The following PAG1 variants were observed in gnomAD, a reference collection of about 807,000 sequenced individuals.
PAG1 encodes the protein phosphoprotein associated with glycosphingolipid-enriched microdomains 1.
Under a neutral mutation model 31.7 loss-of-function variants are expected in PAG1, and 23 were observed. The observed-to-expected ratio is 0.73, with a 90% CI of 0.52 to 1.03. PAG1 has a LOEUF of 1.03. Ranked by LOEUF, PAG1 falls within the 50% of genes least tolerant of loss-of-function variation. The pLI is 0.00. For synonymous variants in PAG1, 214 were observed against 210.3 expected, an observed-to-expected ratio of 1.02 and a Z score of -0.15; for missense variants, 473 against 540.7, an observed-to-expected ratio of 0.87 and a Z score of 1.24.
intron 3 of PAG1, among the ~76,000 whole-genome samples, chr8:81,015,348 G>T (rs1808054674): frequency 6.6e-6 from 1 of 152,230 alleles, no homozygotes; most frequent in Non-Finnish European, 1.5e-5. Context: ...TTTGGGAACT[G>T]AAACATTGTA....
rs538628129 is a variant in PAG1, at chr8:81,036,773, G to A, written c.-174-6684C>T. Among the ~76,000 whole-genome samples, 369 of 152,156 alleles carry A rather than the reference G, an allele frequency of 2.4e-3. 2 individuals carry two copies. The highest frequency in any genetic ancestry group is 4.1e-3 in the Non-Finnish European group (280 of 68,018). ...GCTGCTTCTCCCAGCTGTGCCTCTC[G>A]TTTTTTCCACTCCCCAGCTGCTTTG... On this transcript the variant is annotated intron_variant, in intron 2 of 8. Transcript: ENST00000220597.
chr8:81,086,998 C>T (rs1809369305), intron 1 of PAG1, among the ~76,000 whole-genome samples: 1 of 152,156 alleles, frequency 6.6e-6, no homozygotes, highest in South Asian at 2.1e-4. Context: ...GGTCAGTTTG[C>T]TGACCCCTAC....
chr8:80,987,339 T>A, intron 6 of PAG1, 31 bp downstream of exon 6: 1 of 1,352,932 alleles, frequency 7.4e-7, no homozygotes, highest in Non-Finnish European at 1.1e-6. Context: ...ATGAGGCCTG[T>A]GTGGAAAGCT....
intron 3 of PAG1, among the ~76,000 whole-genome samples, chr8:81,020,071 C>G (rs1277515447): frequency 6.6e-6 from 1 of 152,150 alleles, no homozygotes; most frequent in Non-Finnish European, 1.5e-5. Flanking sequence ...CCCTGTAACC[C>G]CTTTGTTTTG....
At chr8:81,038,675 TGA>T (rs1474465275) in intron 2 of PAG1, among the ~76,000 whole-genome samples, 3 of 152,162 alleles carry the variant, frequency 2.0e-5, no homozygotes. Context: ...GTGTGTGTTA[TGA>T]GAGAGAACAC....
intron 2 of PAG1, among the ~76,000 whole-genome samples, chr8:81,064,945 C>T (rs1808978413): frequency 6.6e-6 from 1 of 152,218 alleles, no homozygotes; most frequent in African/African-American, 2.4e-5. Flanking sequence ...GAAGCCTCCT[C>T]TGAAGAGGCT....
At chr8:81,084,327 C>T (rs1809317646) in intron 1 of PAG1, among the ~76,000 whole-genome samples, 1 of 152,120 alleles carries the variant, frequency 6.6e-6, no homozygotes, top group Non-Finnish European at 1.5e-5. Flanking sequence ...TAAGTAAGGA[C>T]ATTGCATTTG....
chr8:80,977,573 T>C (rs1478836885), intron 8 of PAG1, among the ~76,000 whole-genome samples: 1 of 152,222 alleles, frequency 6.6e-6, no homozygotes, highest in African/African-American at 2.4e-5. Context: ...GGTATTCCTG[T>C]CCATTATTTC....
At chr8:81,022,246 A>G (rs927280563) in intron 3 of PAG1, among the ~76,000 whole-genome samples, 6 of 152,242 alleles carry the variant, frequency 3.9e-5, no homozygotes, top group African/African-American at 1.4e-4. Flanking sequence ...GCTAACTGCA[A>G]TTCAGAAAAA....
In PAG1 at chr8:80,967,819, AACTG is replaced by A. The variant is rs1350758900; in HGVS notation, c.*8721_*8724del. 3.9e-5 allele frequency: 6 copies of A among 152,164 alleles called. No homozygotes were observed. In the East Asian group the frequency reaches 1.2e-3, roughly 29 times the overall value. 9.4% of individuals were successfully genotyped at this position (152,164 alleles called of 1,614,324 possible). A position where few individuals can be genotyped will look rare whatever the true frequency, so the allele number is the denominator to read the frequency against. ...TAAATTTTAACAAGCCTTTATGTAA[AACTG>A]ACTTTTATTACAATTAAAAAAGAAC... On this transcript the variant is annotated 3_prime_UTR_variant, in exon 9 of 9. Transcript: ENST00000220597.
At chr8:81,051,441 AC>A (rs1808726887) in intron 2 of PAG1, among the ~76,000 whole-genome samples, 1 of 152,124 alleles carries the variant, frequency 6.6e-6, no homozygotes, top group Admixed American at 6.6e-5. Context: ...TCATCTTCCC[AC>A]CTTTTTTGGC....
intron 2 of PAG1, among the ~76,000 whole-genome samples, chr8:81,055,710 T>C (rs1463786027): frequency 6.6e-6 from 1 of 152,166 alleles, no homozygotes; most frequent in African/African-American, 2.4e-5. Context: ...TTTTATTCTC[T>C]TTGAAGCAAT....
At chr8:81,103,992 T>C (rs1315230408) in intron 1 of PAG1, among the ~76,000 whole-genome samples, 1 of 152,200 alleles carries the variant, frequency 6.6e-6, no homozygotes, top group African/African-American at 2.4e-5. Context: ...TATAAGCTTC[T>C]TGAGATCCAG....
chr8:81,062,441 T>G (rs1299559152), intron 2 of PAG1, among the ~76,000 whole-genome samples: 1 of 152,238 alleles, frequency 6.6e-6, no homozygotes, highest in Non-Finnish European at 1.5e-5. Flanking sequence ...GCCTTTGGGC[T>G]ATGGGGCATC....
At chr8:81,069,582 A>G (rs1016372835) in intron 2 of PAG1, among the ~76,000 whole-genome samples, 2 of 152,250 alleles carry the variant, frequency 1.3e-5, no homozygotes, top group African/African-American at 4.8e-5. Flanking sequence ...AGATGACCCA[A>G]GGTTATTAAG....
intron 2 of PAG1, among the ~76,000 whole-genome samples, chr8:81,050,013 C>T (rs1808701962): frequency 6.6e-6 from 1 of 152,162 alleles, no homozygotes; most frequent in African/African-American, 2.4e-5. Flanking sequence ...CCATTTGACA[C>T]AGGATGGCAT....
chr8:80,969,159 G>C lies in PAG1; in HGVS notation c.*7385C>G, dbSNP rs191143070. Reference sequence around the variant, plus strand: ...CATGGCCATCTTCCAGGACATGGGCGGGTAGTGGCACATAGGAATTAAATC... The same window carrying C: ...CATGGCCATCTTCCAGGACATGGGCCGGTAGTGGCACATAGGAATTAAATC... On this transcript the variant is annotated 3_prime_UTR_variant, in exon 9 of 9. Transcript: ENST00000220597. 1 of 152,130 alleles carries C rather than the reference G, an allele frequency of 6.6e-6. No individual in the cohort carries two copies. The highest frequency in any genetic ancestry group is 2.4e-5 in the African/African-American group (1 of 41,422). 9.4% of individuals were successfully genotyped at this position (152,130 alleles called of 1,614,324 possible).
chr8:80,987,611 TC>T (rs1383800118), intron 5 of PAG1, 145 bp from the exon 6 acceptor site: 1 of 602,778 alleles, frequency 1.7e-6, no homozygotes, highest in Non-Finnish European at 3.0e-6. Flanking sequence ...TCCCCCCTTA[TC>T]TACAGAGGGT....
chr8:80,976,104 GA>G lies in PAG1; in HGVS notation c.*439del. On this transcript the variant is annotated 3_prime_UTR_variant, in exon 9 of 9. Coordinates refer to ENST00000220597, the MANE Select transcript of PAG1 (RefSeq NM_018440.4). ...ACAGGAATCTGGACATTTCAAGGGG[GA>G]AAAAGCCTTAAAGTCAGTAGCAGAC... The G allele has an allele frequency of 6.3e-6, 1 of 158,042 alleles. No individual in the cohort carries two copies. The highest frequency in any genetic ancestry group is 1.4e-5 in the Non-Finnish European group (1 of 72,098). 9.8% of individuals were successfully genotyped at this position (158,042 alleles called of 1,614,324 possible).
Sources: gnomAD v4.1 joint callset for allele counts (sites outside exome capture counted in the v4.1 genomes callset) on GRCh38, gnomAD v4.1.1 for gene constraint, MANE v1.5 for transcripts, NCBI Gene and HGNC (gene_info 2026-07-23, HGNC 2026-07-21) for gene names.